The following STON1 variants were observed in gnomAD, a reference collection of about 807,000 sequenced individuals.
STON1 encodes stonin 1.
In STON1, 79 loss-of-function variants were observed where a neutral mutation model predicts 60.9. The ratio of observed to expected loss-of-function variants is 1.30; its 90% CI spans 1.08 to 1.56. The LOEUF (loss-of-function observed/expected upper bound fraction) is 1.56, where lower values mean the gene tolerates loss of function less well. STON1 is among the 40% of genes most tolerant of loss of function. The pLI is 0.00. For synonymous variants in STON1, 363 were observed against 306.9 expected, an observed-to-expected ratio of 1.18 and a Z score of -1.91; for missense variants, 1,166 against 858.9, an observed-to-expected ratio of 1.36 and a Z score of -4.47.
chr2:48,592,630 A>ATTATTATTC (rs1553366149), intron 3 of STON1, among the ~76,000 whole-genome samples: 1 of 143,028 alleles, frequency 7.0e-6, no homozygotes, highest in East Asian at 2.0e-4. Flanking sequence ...TATTATTATT[A>ATTATTATTC]TTCTATTTTT....
rs150184548 is a variant in STON1 at position 48,580,829 on chromosome 2, A to G, written c.196A>G (p.Ile66Val). ...STSSTPLSSP[I>V]VDFYFSPGPP... is the part of the protein sequence containing the mutation. Reference sequence around the variant, plus strand: ...CAGCAGCACTCCTCTCTCCTCCCCCATTGTAGATTTTTATTTCAGTCCAGG... The same window carrying G: ...CAGCAGCACTCCTCTCTCCTCCCCCGTTGTAGATTTTTATTTCAGTCCAGG... Residue 66 changes from isoleucine (I) to valine (V), a missense_variant, in exon 2 of 4, where the codon ATT (isoleucine) becomes GTT (valine). By Grantham distance (29) the Ile-to-Val change is conservative. Transcript: ENST00000404752. The G allele has an allele frequency of 2.1e-4, 327 of 1,547,592 alleles. No homozygotes were observed. In the African/African-American group the frequency reaches 4.2e-3, roughly 20 times the overall value.
At chr2:48,544,406 G>A (rs1671779799) in intron 1 of STON1, among the ~76,000 whole-genome samples, 1 of 152,172 alleles carries the variant, frequency 6.6e-6, no homozygotes, top group African/African-American at 2.4e-5. Flanking sequence ...CTATGGCCCA[G>A]AAATTCAGAG....
chr2:48,576,853 G>A (rs1673536948), intron 1 of STON1, among the ~76,000 whole-genome samples: 1 of 151,726 alleles, frequency 6.6e-6, no homozygotes, highest in South Asian at 2.1e-4. Flanking sequence ...AGGAGATTGA[G>A]ACCATCCTGG....
At chr2:48,590,636 A>AACTAACACACACACACACAC (rs1553365754) in intron 2 of STON1, among the ~76,000 whole-genome samples, 1 of 142,034 alleles carries the variant, frequency 7.0e-6, no homozygotes, top group East Asian at 2.1e-4. Context: ...ATTTCCTTAT[A>AACTAACACACACACACACAC]ACACACACAC....
In STON1 at chr2:48,595,377, T is replaced by A; in HGVS notation, c.*75T>A. 4 of 1,329,284 alleles carry A rather than the reference T, an allele frequency of 3.0e-6. No individual in the cohort carries two copies. Among genetic ancestry groups the A allele is most frequent in the Non-Finnish European group, 4.3e-6 (4 of 932,724 alleles). The allele number at this position is 1,329,284 out of a possible 1,614,324, so 82.3% of individuals were successfully genotyped here. A position where few individuals can be genotyped will look rare whatever the true frequency, so the allele number is the denominator to read the frequency against. On this transcript the variant is annotated 3_prime_UTR_variant, in exon 4 of 4. Coordinates refer to ENST00000404752, the MANE Select transcript of STON1 (RefSeq NM_006873.4). Reference sequence around the variant, plus strand: ...CCGAAACCACACCAAGTCCTGCTACTGTAGAGTGGAAATGACTTCTGAATA... The same window carrying A: ...CCGAAACCACACCAAGTCCTGCTACAGTAGAGTGGAAATGACTTCTGAATA...
chr2:48,552,357 G>A (rs1042116949), intron 1 of STON1, among the ~76,000 whole-genome samples: 21 of 152,118 alleles, frequency 1.4e-4, no homozygotes, highest in African/African-American at 4.8e-4. Context: ...AGATGAATGA[G>A]GACTAAGTGT....
chr2:48,595,547 A>G lies in STON1; in HGVS notation c.*245A>G, dbSNP rs960548621. ...TAATTCGTGTGATGTTTTGCTTCCT[A>G]TTGAAACTCAAAGGCACTGTTACTC... On this transcript the variant is annotated 3_prime_UTR_variant, in exon 4 of 4. Coordinates refer to ENST00000404752, the MANE Select transcript of STON1 (RefSeq NM_006873.4). The G allele has an allele frequency of 2.3e-6, 1 of 441,486 alleles. No individual in the cohort carries two copies. The highest frequency in any genetic ancestry group is 2.0e-5 in the African/African-American group (1 of 49,002). 27.3% of individuals were successfully genotyped at this position (441,486 alleles called of 1,614,324 possible).
At chr2:48,530,339 G>A in intron 1 of STON1, 123 bp downstream of exon 1, 1 of 277,232 alleles carries the variant, frequency 3.6e-6, no homozygotes. Context: ...CTCCAGGGCC[G>A]CTCGGCGCCT....
At position 48,597,501 on chromosome 2, in the gene STON1, G is replaced by A. The variant is rs1355281943; in HGVS notation, c.*2199G>A. On this transcript the variant is annotated 3_prime_UTR_variant, in exon 4 of 4. Coordinates refer to ENST00000404752, the MANE Select transcript of STON1 (RefSeq NM_006873.4). ...ACACCTCAAAATATATTCAGCAAAG[G>A]GTTCACTTAGTTGCCCCTCATGCTT... 1 of 152,128 alleles carries A rather than the reference G, an allele frequency of 6.6e-6. No individual in the cohort carries two copies. The highest frequency in any genetic ancestry group is 2.4e-5 in the African/African-American group (1 of 41,420). The allele number at this position is 152,128 out of a possible 1,614,324, so 9.4% of individuals were successfully genotyped here.
rs150703824 is a variant in STON1, at chr2:48,560,696, C to T, written c.-47-19891C>T. Among the ~76,000 whole-genome samples, 610 of 152,296 alleles carry T rather than the reference C, an allele frequency of 4.0e-3. 2 individuals are homozygous for T. Among genetic ancestry groups the T allele is most frequent in the African/African-American group, 0.014 (582 of 41,552 alleles). On this transcript the variant is annotated intron_variant, in intron 1 of 3. Coordinates refer to ENST00000404752, the MANE Select transcript of STON1 (RefSeq NM_006873.4). ...GCCAGAAACCAGTCCACCCAGGAAA[C>T]AACACAGCTCCACAGCTGCAGTGAG...
At position 48,591,628 on chromosome 2, in the gene STON1, A is replaced by C. The variant is rs142443030; in HGVS notation, c.1931-25A>C. On this transcript the variant is annotated intron_variant, in intron 2 of 3. Coordinates refer to ENST00000404752, the MANE Select transcript of STON1 (RefSeq NM_006873.4). ...GTTCAATGGCCATTAAAATACTTTG[A>C]CTATTTGATTTTTTTTCCCTCGAGG... 1.0e-4 allele frequency: 169 copies of C among 1,609,944 alleles called. No homozygotes were observed. In the East Asian group the frequency reaches 3.6e-3, roughly 35 times the overall value.
intron 1 of STON1, among the ~76,000 whole-genome samples, chr2:48,544,734 C>G (rs1002757787): frequency 2.0e-5 from 3 of 151,994 alleles, no homozygotes; most frequent in Non-Finnish European, 4.4e-5. Flanking sequence ...TTCGTAGAAA[C>G]AGGGGTTTCA....
At chr2:48,565,079 G>A (rs1383638895) in intron 1 of STON1, among the ~76,000 whole-genome samples, 1 of 129,646 alleles carries the variant, frequency 7.7e-6, no homozygotes, top group South Asian at 2.5e-4. Context: ...ATAAGAAGGA[G>A]TCTCGCTCTG....
chr2:48,582,267 C>G lies in STON1; in HGVS notation c.1634C>G (p.Ala545Gly), dbSNP rs1157541707. The G allele has an allele frequency of 1.2e-6, 2 of 1,614,058 alleles. No homozygotes were observed. Among genetic ancestry groups the G allele is most frequent in the South Asian group, 1.1e-5 (1 of 91,080 alleles). Residue 545 changes from alanine to glycine, a missense_variant, in exon 2 of 4, where the codon GCT becomes GGT. Ala to Gly is a moderately conservative substitution (Grantham distance 60, BLOSUM62 0). Coordinates refer to ENST00000404752, the MANE Select transcript of STON1 (RefSeq NM_006873.4). The stretch of plus-strand genomic sequence containing the variant: ...CAGGGAGCATACGTGGAACTTCAGG[C>G]TTTTGTCAACATGGCCTCATTGGCG... ...VVQGAYVELQ[A>G]FVNMASLAQR...
intron 1 of STON1, among the ~76,000 whole-genome samples, chr2:48,550,532 T>G (rs568648752): frequency 6.7e-6 from 1 of 149,128 alleles, no homozygotes; most frequent in Non-Finnish European, 1.5e-5. Flanking sequence ...CACATATTTA[T>G]AGTGTTTCTT....
In STON1 at chr2:48,581,861, T is replaced by C; in HGVS notation, c.1228T>C (p.Tyr410His). The C allele has an allele frequency of 6.2e-7, 1 of 1,614,092 alleles. No individual in the cohort carries two copies. Among genetic ancestry groups the C allele is most frequent in the South Asian group, 1.1e-5 (1 of 91,074 alleles). ...LPAVSKPKKNYEEQEISLEIV... is the reference protein window; with the variant it reads ...LPAVSKPKKNHEEQEISLEIV... The stretch of plus-strand genomic sequence containing the variant: ...AGCTGTTTCAAAACCAAAAAAGAAC[T>C]ACGAGGAGCAAGAAATTTCCTTGGA... The change falls in exon 2 of 4, where the codon TAC (tyrosine) becomes CAC (histidine). Residue 410 changes from tyrosine (Y) to histidine (H), a missense_variant. By Grantham distance (83) the Tyr-to-His change is moderately conservative (BLOSUM62 2). Coordinates refer to ENST00000404752, the MANE Select transcript of STON1 (RefSeq NM_006873.4).
intron 1 of STON1, among the ~76,000 whole-genome samples, chr2:48,563,652 G>A (rs1312088013): frequency 2.6e-5 from 4 of 151,996 alleles, no homozygotes; most frequent in Admixed American, 6.6e-5. Context: ...AGGGTTCTGA[G>A]GCACACCCTC....
At chr2:48,545,333 G>C (rs1671823479) in intron 1 of STON1, among the ~76,000 whole-genome samples, 1 of 152,198 alleles carries the variant, frequency 6.6e-6, no homozygotes, top group Non-Finnish European at 1.5e-5. Flanking sequence ...GCCCCTGCTT[G>C]TCGGTATTGG....
intron 1 of STON1, among the ~76,000 whole-genome samples, chr2:48,543,434 C>T (rs116460700): frequency 0.018 from 2,753 of 152,082 alleles, 84 homozygotes; most frequent in African/African-American, 0.061. Flanking sequence ...ACTTAAGAAC[C>T]ATGTCCCTCT....
Sources: allele counts gnomAD v4.1 joint callset (sites outside exome capture counted in the v4.1 genomes callset), GRCh38; gene constraint gnomAD v4.1.1; transcripts MANE v1.5; gene names NCBI Gene and HGNC (gene_info 2026-07-23, HGNC 2026-07-21).